The following POU2F2 variants were observed in gnomAD, a reference collection of about 807,000 sequenced individuals.
POU2F2 encodes the protein POU class 2 homeobox 2.
In POU2F2, 14 loss-of-function variants were observed where a neutral mutation model predicts 63.5. The observed-to-expected ratio is 0.22, with a 90% CI of 0.15 to 0.34. The LOEUF (loss-of-function observed/expected upper bound fraction) is 0.34. POU2F2 is among the 10% of genes least tolerant of loss of function. The pLI is 1.00. For synonymous variants in POU2F2, 306 were observed against 348.6 expected, an observed-to-expected ratio of 0.88 and a Z score of 1.36; for missense variants, 607 against 815.2, an observed-to-expected ratio of 0.74 and a Z score of 3.11.
At chr19:42,110,483 C>G (rs2030906543) in intron 5 of POU2F2, 1 of 184,796 alleles carries the variant, frequency 5.4e-6, no homozygotes, top group Non-Finnish European at 1.2e-5. Flanking sequence ...GAAGGTTAGA[C>G]TAGTGGGGTG....
intron 1 of POU2F2, among the ~76,000 whole-genome samples, chr19:42,190,277 T>TTA (rs111912209): frequency 1.8e-4 from 27 of 151,764 alleles, no homozygotes; most frequent in Admixed American, 3.9e-4. Context: ...AAAAAAATCT[T>TTA]TATATATATA....
intron 5 of POU2F2, among the ~76,000 whole-genome samples, chr19:42,101,129 A>G (rs1409539188): frequency 2.0e-5 from 3 of 152,096 alleles, no homozygotes; most frequent in Non-Finnish European, 4.4e-5. Flanking sequence ...AAACAAACAA[A>G]CAAAAAACAC....
At chr19:42,185,317 T>A (rs187878015) in intron 1 of POU2F2, among the ~76,000 whole-genome samples, 1 of 152,180 alleles carries the variant, frequency 6.6e-6, no homozygotes, top group East Asian at 1.9e-4. Context: ...CAGTCTCCCC[T>A]CTTGCCCCCT....
chr19:42,195,421 C>T (rs1385709367), intron 1 of POU2F2, among the ~76,000 whole-genome samples: 1 of 150,760 alleles, frequency 6.6e-6, no homozygotes, highest in Non-Finnish European at 1.5e-5. Context: ...CAAGCTCCGC[C>T]TCCCGGGTTC....
chr19:42,106,234 T>C (rs894032457), intron 5 of POU2F2, among the ~76,000 whole-genome samples: 1 of 151,958 alleles, frequency 6.6e-6, no homozygotes, highest in African/African-American at 2.4e-5. Context: ...GACTTCCAAG[T>C]AGCTGAGGCT....
chr19:42,099,294 G>T (rs2077038626), intron 7 of POU2F2: 1 of 525,576 alleles, frequency 1.9e-6, no homozygotes, highest in Non-Finnish European at 3.4e-6. Context: ...AGGAGCTCAT[G>T]TACTAGAAAG....
chr19:42,127,636 CT>C (rs992012261), intron 1 of POU2F2, among the ~76,000 whole-genome samples: 1 of 152,114 alleles, frequency 6.6e-6, no homozygotes, highest in African/African-American at 2.4e-5. Context: ...CCACCTCAGC[CT>C]CCCAAAATGC....
In POU2F2 at chr19:42,162,575, T is replaced by C. The variant is rs2034573144; in HGVS notation, c.-69-2183A>G. Among the ~76,000 whole-genome samples the C allele has an allele frequency of 6.6e-6, 1 of 151,970 alleles. No individual in the cohort carries two copies. The highest frequency in any genetic ancestry group is 1.5e-5 in the Non-Finnish European group (1 of 67,972). On this transcript the variant is annotated intron_variant, in intron 1 of 6. Coordinates refer to the POU2F2 transcript ENST00000524801. This position sits in a 1 kb window ranked among gnomAD's most constrained non-coding sequence, Gnocchi z 4.1. Reference sequence around the variant, plus strand: ...TTCCTGCAGCTGTGCACATAAAGGGTAGATTCCAGTGTTCACAGAGGGAAA... The same window carrying C: ...TTCCTGCAGCTGTGCACATAAAGGGCAGATTCCAGTGTTCACAGAGGGAAA...
chr19:42,143,971 T>G (rs974162193), intron 2 of POU2F2, among the ~76,000 whole-genome samples: 1 of 152,238 alleles, frequency 6.6e-6, no homozygotes, highest in East Asian at 1.9e-4. Context: ...ACGTGCTTGT[T>G]TATTACCTCT....
upstream of POU2F2, among the ~76,000 whole-genome samples, chr19:42,135,702 G>C (rs1406679927): frequency 6.7e-6 from 1 of 150,052 alleles, no homozygotes; most frequent in Non-Finnish European, 1.5e-5. Context: ...TAAAGTCCAG[G>C]CTCTTTTTTT....
intron 2 of POU2F2, among the ~76,000 whole-genome samples, chr19:42,146,764 G>C (rs1241096121): frequency 6.6e-6 from 1 of 152,194 alleles, no homozygotes; most frequent in Non-Finnish European, 1.5e-5. Context: ...AAGCAACCCA[G>C]GCATCTGCCT....
At position 42,195,330 on chromosome 19, in the gene POU2F2, CT is replaced by C. The variant is rs894258162; in HGVS notation, c.-70+1052del. Among the ~76,000 whole-genome samples, 1,251 of 125,492 alleles carry C rather than the reference CT, an allele frequency of 1.0e-2. 3 individuals carry two copies. Among genetic ancestry groups the C allele is most frequent in the African/African-American group, 0.023 (762 of 32,432 alleles). 82.3% of individuals were successfully genotyped at this position (125,492 alleles called of 152,430 possible). A position where few individuals can be genotyped will look rare whatever the true frequency, so the allele number is the denominator to read the frequency against. ...TTCCCTTCCTTCCCTCCCTCTTTTT[CT>C]TTTTTTTTTTTTTTTTTTTGAGACG... On this transcript the variant is annotated intron_variant, in intron 1 of 5. Transcript: ENST00000532176.
rs2146288426 is a variant in POU2F2, at chr19:42,092,384, T to A, written c.1265-114A>T. The stretch of plus-strand genomic sequence containing the variant: ...CCCAGCTCACGCAGCATCTCCTCAG[T>A]CAGAACAGCCTTAGACCTCCCTGCC... On this transcript the variant is annotated intron_variant, in intron 12 of 14. Transcript: ENST00000692977. This position sits in a 1 kb window ranked among gnomAD's most constrained non-coding sequence, Gnocchi z 5.0. 2.4e-6 allele frequency: 2 copies of A among 821,180 alleles called. No individual in the cohort carries two copies. The highest frequency in any genetic ancestry group is 2.6e-5 in the East Asian group (1 of 37,746). 50.9% of individuals were successfully genotyped at this position (821,180 alleles called of 1,614,324 possible).
chr19:42,122,603 G>A (rs1365285812), intron 1 of POU2F2, 27 bp from the exon 2 acceptor site: 2 of 1,515,014 alleles, frequency 1.3e-6, no homozygotes, highest in African/African-American at 2.8e-5. Flanking sequence ...AATGGAAGTG[G>A]GGTGAAGGAG....
intron 4 of POU2F2, among the ~76,000 whole-genome samples, chr19:42,119,067 T>C (rs989252961): frequency 2.6e-5 from 4 of 151,360 alleles, no homozygotes; most frequent in African/African-American, 9.7e-5. Flanking sequence ...GGCAGGAGGA[T>C]TGCTTGAGGC....
At chr19:42,163,978 A>C (rs1002906886) in intron 1 of POU2F2, among the ~76,000 whole-genome samples, 2 of 152,210 alleles carry the variant, frequency 1.3e-5, no homozygotes, top group Non-Finnish European at 2.9e-5. Context: ...GAAGAAGAAA[A>C]GGCAAGTTAT....
rs911792082 is a variant in POU2F2, at chr19:42,155,441, G to A, written c.-9+4891C>T. ...GTGTATTCTGGATTCCCCTTTCTTA[G>A]ACAATCCCTCTGGCCCTCCTATCCA... On this transcript the variant is annotated intron_variant, in intron 2 of 6. Transcript: ENST00000524801. This position sits in a 1 kb window ranked among gnomAD's most constrained non-coding sequence, Gnocchi z 4.2. 3.9e-5 allele frequency among the ~76,000 whole-genome samples: 6 copies of A among 152,032 alleles called. No homozygotes were observed. Among genetic ancestry groups the A allele is most frequent in the African/African-American group, 1.4e-4 (6 of 41,392 alleles).
rs369897904 is a variant in POU2F2 at position 42,143,506 on chromosome 19, T to C, written c.-9+16826A>G. ...GACTTAATATAAGTTGTGTGCTCAGTAGGGAGTGCCCATCACGGCAAGCGC... is the reference window on the plus strand; with the variant it reads ...GACTTAATATAAGTTGTGTGCTCAGCAGGGAGTGCCCATCACGGCAAGCGC... On this transcript the variant is annotated intron_variant, in intron 2 of 6. Transcript: ENST00000524801. Among the ~76,000 whole-genome samples, 10 of 152,320 alleles carry C rather than the reference T, an allele frequency of 6.6e-5. 1 individual carries two copies. The East Asian group carries it at 9.6e-4, about 15-fold the overall frequency.
Position 42,095,291 on chromosome 19 carries a change from G to A in POU2F2, c.1192C>T (p.His398Tyr). ...SPGKPASYSP[H>Y]MVTPQGGAGT... ...CCCAGGCGGGCTCTTGGTACCATATGGGGGCTGTAGCTGGCCGGCTTCCCT... is the reference window on the plus strand; with the variant it reads ...CCCAGGCGGGCTCTTGGTACCATATAGGGGCTGTAGCTGGCCGGCTTCCCT... Residue 398 changes from histidine to tyrosine, a missense_variant, in exon 11 of 15, where the codon CAT becomes TAT. His to Tyr is a moderately conservative substitution (Grantham distance 83, BLOSUM62 2). This residue lies in a region of POU2F2 where 270 missense variants were observed against 307.5 expected (regional missense o/e 0.88). Coordinates refer to ENST00000692977, the MANE Select transcript of POU2F2 (RefSeq NM_001394376.1). This position sits in a 1 kb window ranked among gnomAD's most constrained non-coding sequence, Gnocchi z 7.1. 6.2e-7 allele frequency: 1 copy of A among 1,612,670 alleles called. No individual in the cohort carries two copies. The highest frequency in any genetic ancestry group is 8.5e-7 in the Non-Finnish European group (1 of 1,179,778).
Sources: gnomAD v4.1 joint callset for allele counts (sites outside exome capture counted in the v4.1 genomes callset) on GRCh38, gnomAD v4.1.1 for gene constraint, gnomAD v4.1.1 regional missense constraint, Gnocchi (gnomAD v3.1) non-coding constraint, MANE v1.5 for transcripts, NCBI Gene and HGNC (gene_info 2026-07-23, HGNC 2026-07-21) for gene names.